SPSB4: variants seen among roughly 807,000 people sequenced by gnomAD.
SPSB4 encodes splA/ryanodine receptor domain and SOCS box containing 4, also known as SPRY domain-containing SOCS box protein 4.
In SPSB4, 21 loss-of-function variants were observed where a neutral mutation model predicts 20.9. The ratio of observed to expected loss-of-function variants is 1.01; its 90% CI spans 0.71 to 1.45. The LOEUF (loss-of-function observed/expected upper bound fraction) is 1.45, where lower values mean the gene tolerates loss of function less well. Ranked by LOEUF, SPSB4 falls within the 40% of genes most tolerant of loss-of-function variation. SPSB4 has a pLI of 0.00. For missense variants in SPSB4, 399 were observed against 399.2 expected (o/e 1.00, Z 0.00); for synonymous variants, 207 against 183.8 (o/e 1.13, Z -1.02).
At chr3:141,115,931 A>ACCATCCAAGAATTCAGTTT (rs1938873175) in intron 2 of SPSB4, among the ~76,000 whole-genome samples, 1 of 152,178 alleles carries the variant, frequency 6.6e-6, no homozygotes, top group African/African-American at 2.4e-5. Flanking sequence ...AGTTTTACTT[A>ACCATCCAAGAATTCAGTTT]ACTTAAGAAA....
chr3:141,103,774 C>T (rs1252704602), intron 2 of SPSB4, among the ~76,000 whole-genome samples: 1 of 151,938 alleles, frequency 6.6e-6, no homozygotes, highest in African/African-American at 2.4e-5. Context: ...AGCAAAGGGG[C>T]ATGAGGCCCA....
intron 2 of SPSB4, among the ~76,000 whole-genome samples, chr3:141,128,492 G>A (rs895459066): frequency 6.6e-6 from 1 of 152,118 alleles, no homozygotes; most frequent in African/African-American, 2.4e-5. Context: ...AACAGAAGGT[G>A]GGTGTGGAGC....
At chr3:141,092,656 G>A (rs1316085832) in intron 2 of SPSB4, among the ~76,000 whole-genome samples, 1 of 152,206 alleles carries the variant, frequency 6.6e-6, no homozygotes, top group Non-Finnish European at 1.5e-5. Flanking sequence ...TTAGAGGCTT[G>A]ACTGGCATGG....
chr3:141,078,995 C>G (rs1018634346), intron 2 of SPSB4, among the ~76,000 whole-genome samples: 3 of 152,206 alleles, frequency 2.0e-5, no homozygotes, highest in African/African-American at 4.8e-5. Flanking sequence ...GGCACGGTGG[C>G]TCATGCCTGT....
At chr3:141,124,573 G>T (rs137859156) in intron 2 of SPSB4, among the ~76,000 whole-genome samples, 1 of 152,154 alleles carries the variant, frequency 6.6e-6, no homozygotes, top group South Asian at 2.1e-4. Flanking sequence ...GGGAGGCTGC[G>T]TTCATAATGG....
intron 2 of SPSB4, among the ~76,000 whole-genome samples, chr3:141,088,353 C>A (rs539370181): frequency 6.6e-6 from 1 of 152,220 alleles, no homozygotes; most frequent in Non-Finnish European, 1.5e-5. Flanking sequence ...CAGGATAAGA[C>A]GTGAATTTTC....
chr3:141,079,085 C>A (rs1332295281), intron 2 of SPSB4, among the ~76,000 whole-genome samples: 1 of 152,130 alleles, frequency 6.6e-6, no homozygotes, highest in South Asian at 2.1e-4. Context: ...CATGGTGAAA[C>A]CCCGTCTCTA....
intron 2 of SPSB4, among the ~76,000 whole-genome samples, chr3:141,069,597 G>A (rs1937956237): frequency 6.6e-6 from 1 of 152,194 alleles, no homozygotes; most frequent in Non-Finnish European, 1.5e-5. Flanking sequence ...ATCATAGGAG[G>A]AGAGAACTCT....
rs11925565 is a variant in SPSB4 at position 141,084,310 on chromosome 3, C to A, written c.694+17512C>A. Among the ~76,000 whole-genome samples, 1,130 of 152,170 alleles carry A rather than the reference C, an allele frequency of 7.4e-3. 19 individuals are homozygous for A. The highest frequency in any genetic ancestry group is 0.026 in the African/African-American group (1,062 of 41,518). Reference sequence around the variant, plus strand: ...GAAGGGGCCTCTAACCGTCCCTTCCCTCCACCTCCCCCACACCCCTCTCCT... The same window carrying A: ...GAAGGGGCCTCTAACCGTCCCTTCCATCCACCTCCCCCACACCCCTCTCCT... On this transcript the variant is annotated intron_variant, in intron 2 of 2. Transcript: ENST00000310546.
intron 2 of SPSB4, among the ~76,000 whole-genome samples, chr3:141,146,543 G>A (rs933409151): frequency 9.2e-5 from 14 of 152,274 alleles, no homozygotes; most frequent in African/African-American, 2.4e-4. Flanking sequence ...TTGGGAGGCC[G>A]AGAAGGGCGA....
At chr3:141,061,941 G>T (rs1014481891) in intron 1 of SPSB4, among the ~76,000 whole-genome samples, 1 of 152,016 alleles carries the variant, frequency 6.6e-6, no homozygotes, top group Non-Finnish European at 1.5e-5. Flanking sequence ...CACCATGTTG[G>T]CCAGGCTAGT....
intron 2 of SPSB4, among the ~76,000 whole-genome samples, chr3:141,139,021 G>A (rs2107807361): frequency 6.6e-6 from 1 of 152,330 alleles, no homozygotes; most frequent in Admixed American, 6.5e-5. Flanking sequence ...GTGTGCTCCT[G>A]TGTTGGGTGC....
intron 2 of SPSB4, among the ~76,000 whole-genome samples, chr3:141,134,037 T>TTTTTTTTTTTC (rs1939182860): frequency 8.7e-6 from 1 of 115,198 alleles, no homozygotes; most frequent in African/African-American, 3.8e-5. Flanking sequence ...TTTCTTTTCT[T>TTTTTTTTTTTC]TTTTTTTTTT....
At chr3:141,126,707 C>G (rs931915409) in intron 2 of SPSB4, among the ~76,000 whole-genome samples, 1 of 152,204 alleles carries the variant, frequency 6.6e-6, no homozygotes, top group African/African-American at 2.4e-5. Context: ...TTAATTCGCA[C>G]AAGCACCGTC....
chr3:141,143,271 T>C (rs1220337576), intron 2 of SPSB4, among the ~76,000 whole-genome samples: 1 of 152,254 alleles, frequency 6.6e-6, no homozygotes, highest in Non-Finnish European at 1.5e-5. Flanking sequence ...TAGGTGAGTC[T>C]CTTGAAGACA....
chr3:141,140,663 A>G (rs1476642196), intron 2 of SPSB4, among the ~76,000 whole-genome samples: 2 of 152,190 alleles, frequency 1.3e-5, no homozygotes, highest in African/African-American at 2.4e-5. Context: ...GTGAACCGCA[A>G]ATGCTGCTGC....
intron 2 of SPSB4, among the ~76,000 whole-genome samples, chr3:141,145,588 T>C (rs1319552324): frequency 6.6e-6 from 1 of 152,212 alleles, no homozygotes; most frequent in Non-Finnish European, 1.5e-5. Context: ...TGTGTTAGTA[T>C]TTACCACTCA....
At chr3:141,054,708 G>C (rs756959270) in intron 1 of SPSB4, among the ~76,000 whole-genome samples, 2 of 152,226 alleles carry the variant, frequency 1.3e-5, no homozygotes, top group Non-Finnish European at 2.9e-5. Flanking sequence ...GTTCATGCCC[G>C]TAATCCCAGC....
intron 2 of SPSB4, among the ~76,000 whole-genome samples, chr3:141,075,354 A>G (rs957400921): frequency 3.9e-5 from 6 of 152,166 alleles, no homozygotes; most frequent in African/African-American, 1.4e-4. Context: ...GCCGCCGCTC[A>G]GACCATACAA....
Sources: allele counts gnomAD v4.1 joint callset (sites outside exome capture counted in the v4.1 genomes callset), GRCh38; gene constraint gnomAD v4.1.1; transcripts MANE v1.5; gene names NCBI Gene and HGNC (gene_info 2026-07-23, HGNC 2026-07-21).